The following MAP2K5 variants were observed in gnomAD, a reference collection of about 807,000 sequenced individuals.
MAP2K5 encodes the protein mitogen-activated protein kinase kinase 5.
A neutral mutation model predicts 83.1 loss-of-function variants in MAP2K5; 49 were observed. The ratio of observed to expected loss-of-function variants is 0.59; its 90% CI spans 0.47 to 0.75. The LOEUF is 0.75. Among genes scored for constraint, MAP2K5 ranks in the 30% least tolerant of loss-of-function variants. MAP2K5 has a pLI of 0.00. For missense variants in MAP2K5, 457 were observed against 557.5 expected (o/e 0.82, Z 1.82); for synonymous variants, 202 against 191.8 (o/e 1.05, Z -0.44).
rs368841407 is a variant in MAP2K5 at position 67,794,834 on chromosome 15, C to T, written c.1243-11812C>T. Reference sequence around the variant, plus strand: ...TCTCCCTGTTAAGGAACTAGAAAAACTGTTACTAAGATTTTAAAGGGGTAG... The same window carrying T: ...TCTCCCTGTTAAGGAACTAGAAAAATTGTTACTAAGATTTTAAAGGGGTAG... On this transcript the variant is annotated intron_variant, in intron 21 of 21. Coordinates refer to ENST00000178640, the MANE Select transcript of MAP2K5 (RefSeq NM_145160.3). The surrounding 1 kb of genome is among the most constrained non-coding windows in gnomAD (Gnocchi z 4.6). Among the ~76,000 whole-genome samples the T allele has an allele frequency of 8.3e-4, 126 of 152,286 alleles. 2 individuals carry two copies. Among genetic ancestry groups the T allele is most frequent in the Middle Eastern group, 6.8e-3 (2 of 294 alleles).
chr15:67,648,031 C>A (rs775706055), intron 11 of MAP2K5, among the ~76,000 whole-genome samples: 1 of 151,966 alleles, frequency 6.6e-6, no homozygotes, highest in Non-Finnish European at 1.5e-5. Context: ...CAGAGTGAGA[C>A]CCTGTATCAA....
At chr15:67,716,750 C>T (rs377161934) in intron 16 of MAP2K5, among the ~76,000 whole-genome samples, 3 of 152,284 alleles carry the variant, frequency 2.0e-5, no homozygotes, top group East Asian at 1.9e-4. Context: ...TCTTTCCTCT[C>T]TTCCAAGCTC....
intron 8 of MAP2K5, among the ~76,000 whole-genome samples, chr15:67,626,767 G>C (rs1328597422): frequency 6.6e-6 from 1 of 151,890 alleles, no homozygotes; most frequent in African/African-American, 2.4e-5. Flanking sequence ...AGGCATGGTG[G>C]TATACTCCTG....
At chr15:67,686,904 GACAGTGGTTAAA>G (rs1420516818) in intron 13 of MAP2K5, among the ~76,000 whole-genome samples, 2 of 152,014 alleles carry the variant, frequency 1.3e-5, no homozygotes, top group Non-Finnish European at 2.9e-5. Flanking sequence ...TTTTTTTTGA[GACAGTGGTTAAA>G]ACAGTCCAGG....
At chr15:67,574,827 G>A (rs765547399) in intron 3 of MAP2K5, among the ~76,000 whole-genome samples, 3 of 146,350 alleles carry the variant, frequency 2.0e-5, no homozygotes, top group Non-Finnish European at 3.0e-5. Flanking sequence ...AGATCGTACC[G>A]CTGCACTCCA....
At position 67,702,361 on chromosome 15, in the gene MAP2K5, A is replaced by C. The variant is rs771111221; in HGVS notation, c.973-976A>C. Among the ~76,000 whole-genome samples the C allele has an allele frequency of 5.3e-5, 8 of 152,236 alleles. No individual in the cohort carries two copies. Among genetic ancestry groups the C allele is most frequent in the Non-Finnish European group, 1.0e-4 (7 of 68,034 alleles). Reference sequence around the variant, plus strand: ...TGTTGATGATAGTAATGATGGTGACAATAATGTTATTCCTGTAGCCGGCTA... The same window carrying C: ...TGTTGATGATAGTAATGATGGTGACCATAATGTTATTCCTGTAGCCGGCTA... On this transcript the variant is annotated intron_variant, in intron 15 of 21. Coordinates refer to ENST00000178640, the MANE Select transcript of MAP2K5 (RefSeq NM_145160.3). The surrounding 1 kb of genome is among the most constrained non-coding windows in gnomAD (Gnocchi z 4.6).
intron 2 of MAP2K5, among the ~76,000 whole-genome samples, chr15:67,553,544 C>T (rs1489310688): frequency 6.6e-6 from 1 of 152,128 alleles, no homozygotes; most frequent in Admixed American, 6.5e-5. Context: ...CCTAGGCTGG[C>T]TTTTTTCATG....
chr15:67,736,665 T>C lies in MAP2K5; in HGVS notation c.1074+8720T>C, dbSNP rs545858758. Among the ~76,000 whole-genome samples, 4 of 152,318 alleles carry C rather than the reference T, an allele frequency of 2.6e-5. No homozygotes were observed. In the East Asian group the frequency reaches 7.7e-4, roughly 29 times the overall value. On this transcript the variant is annotated intron_variant, in intron 17 of 21. Transcript: ENST00000178640. This position sits in a 1 kb window ranked among gnomAD's most constrained non-coding sequence, Gnocchi z 4.3. ...ATATAGAATTATATACAGAATCTCGTCATTTTTAGTTCAGTTACTGGGGAC... is the reference window on the plus strand; with the variant it reads ...ATATAGAATTATATACAGAATCTCGCCATTTTTAGTTCAGTTACTGGGGAC...
In MAP2K5 at chr15:67,748,879, T is replaced by C. The variant is rs1415404103; in HGVS notation, c.1134+278T>C. Among the ~76,000 whole-genome samples the C allele has an allele frequency of 6.6e-6, 1 of 152,172 alleles. No individual in the cohort carries two copies. Among genetic ancestry groups the C allele is most frequent in the Non-Finnish European group, 1.5e-5 (1 of 68,028 alleles). On this transcript the variant is annotated intron_variant, in intron 19 of 21. Transcript: ENST00000178640. The surrounding 1 kb of genome is among the most constrained non-coding windows in gnomAD (Gnocchi z 4.0). ...CAATAATATTAATTGACCCTCTCCC[T>C]GGCCAGATGGGGATGGAACTGGAAA...
chr15:67,655,950 C>T (rs1453492650), intron 11 of MAP2K5, among the ~76,000 whole-genome samples: 1 of 152,078 alleles, frequency 6.6e-6, no homozygotes, highest in African/African-American at 2.4e-5. Flanking sequence ...TTTCCATTGA[C>T]CTATCTTTAC....
At chr15:67,626,805 TG>T (rs1229142350) in intron 8 of MAP2K5, among the ~76,000 whole-genome samples, 2 of 151,922 alleles carry the variant, frequency 1.3e-5, no homozygotes, top group African/African-American at 4.8e-5. Context: ...GAGGCTGAGG[TG>T]GGAGGATCGC....
chr15:67,699,705 T>C (rs1340309041), intron 15 of MAP2K5, among the ~76,000 whole-genome samples: 2 of 152,156 alleles, frequency 1.3e-5, no homozygotes, highest in Non-Finnish European at 2.9e-5. Flanking sequence ...CAAAGCCACC[T>C]GAACAAGATC....
At chr15:67,610,389 G>T (rs1423192391) in intron 8 of MAP2K5, among the ~76,000 whole-genome samples, 1 of 152,134 alleles carries the variant, frequency 6.6e-6, no homozygotes, top group Non-Finnish European at 1.5e-5. Context: ...GGTTGTGCTA[G>T]CAGGGGTGGT....
Position 67,770,504 on chromosome 15 carries a change from A to G in MAP2K5, c.1196+841A>G, listed in dbSNP as rs745936819. Among the ~76,000 whole-genome samples the G allele has an allele frequency of 2.0e-5, 3 of 152,196 alleles. No individual in the cohort carries two copies. Among genetic ancestry groups the G allele is most frequent in the Non-Finnish European group, 2.9e-5 (2 of 68,030 alleles). ...ACATAGGAATCATTGTCCTCAAAGC[A>G]GGAGACAAAACCAACCGCAACTCCT... On this transcript the variant is annotated intron_variant, in intron 20 of 21. Transcript: ENST00000178640. This position sits in a 1 kb window ranked among gnomAD's most constrained non-coding sequence, Gnocchi z 5.0.
intron 13 of MAP2K5, among the ~76,000 whole-genome samples, chr15:67,672,583 T>A (rs1440610870): frequency 6.6e-6 from 1 of 150,868 alleles, no homozygotes; most frequent in East Asian, 1.9e-4. Context: ...ATGAGTAGGT[T>A]GTGAAAATTT....
rs1004625172 is a variant in MAP2K5, at chr15:67,782,873, G to A, written c.1242+10121G>A. Among the ~76,000 whole-genome samples, 2 of 152,162 alleles carry A rather than the reference G, an allele frequency of 1.3e-5. No individual in the cohort carries two copies. Among genetic ancestry groups the A allele is most frequent in the Non-Finnish European group, 2.9e-5 (2 of 68,026 alleles). On this transcript the variant is annotated intron_variant, in intron 21 of 21. Transcript: ENST00000178640. The surrounding 1 kb of genome is among the most constrained non-coding windows in gnomAD (Gnocchi z 4.9). ...CCGTCAGGGAGGTCAGCAGAGCTTC[G>A]GCTGGGCGCTGTCTCCTTCCTGCCT...
At position 67,637,708 on chromosome 15, in the gene MAP2K5, C is replaced by A. The variant is rs2086632508; in HGVS notation, c.585+6781C>A. On this transcript the variant is annotated intron_variant, in intron 9 of 21. Transcript: ENST00000178640. The surrounding 1 kb of genome is among the most constrained non-coding windows in gnomAD (Gnocchi z 4.5). ...TCTCTGCCCTCTGCTTCTCTAGCTT[C>A]CTTGGCCTCCTCAGACTCTCAGTTT... 6.6e-6 allele frequency among the ~76,000 whole-genome samples: 1 copy of A among 152,176 alleles called. No individual in the cohort carries two copies. The highest frequency in any genetic ancestry group is 2.4e-5 in the African/African-American group (1 of 41,428).
At position 67,676,086 on chromosome 15, in the gene MAP2K5, G is replaced by T. The variant is rs373100488; in HGVS notation, c.847+11441G>T. ...ACCAGTCTCTATAGTATCCATTAGGGTAAGCTTCTATCCAACCACCCAGCA... is the reference window on the plus strand; with the variant it reads ...ACCAGTCTCTATAGTATCCATTAGGTTAAGCTTCTATCCAACCACCCAGCA... On this transcript the variant is annotated intron_variant, in intron 13 of 21. Coordinates refer to ENST00000178640, the MANE Select transcript of MAP2K5 (RefSeq NM_145160.3). The surrounding 1 kb of genome is among the most constrained non-coding windows in gnomAD (Gnocchi z 4.8). Among the ~76,000 whole-genome samples the T allele has an allele frequency of 1.6e-3, 245 of 152,222 alleles. 2 individuals are homozygous for T. The highest frequency in any genetic ancestry group is 5.7e-3 in the African/African-American group (236 of 41,530).
At chr15:67,589,210 A>G (rs2085347523) in intron 6 of MAP2K5, among the ~76,000 whole-genome samples, 1 of 152,086 alleles carries the variant, frequency 6.6e-6, no homozygotes, top group Non-Finnish European at 1.5e-5. Context: ...TGAATGAAAT[A>G]TTGAGTAAAG....
Sources: gnomAD v4.1 joint callset for allele counts (sites outside exome capture counted in the v4.1 genomes callset) on GRCh38, gnomAD v4.1.1 for gene constraint, Gnocchi (gnomAD v3.1) non-coding constraint, MANE v1.5 for transcripts, NCBI Gene and HGNC (gene_info 2026-07-23, HGNC 2026-07-21) for gene names.